AK9: variants seen among roughly 807,000 people sequenced by gnomAD.
The protein encoded by AK9 is adenylate kinase 9.
Under a neutral mutation model 239.6 loss-of-function variants are expected in AK9, and 191 were observed. The observed-to-expected ratio is 0.80, with a 90% confidence interval of 0.71 to 0.90. The LOEUF (loss-of-function observed/expected upper bound fraction) is 0.90, where lower values mean the gene tolerates loss of function less well. Ranked by LOEUF, AK9 falls within the 40% of genes least tolerant of loss-of-function variation. The pLI is 0.00. For missense variants in AK9, 1,995 were observed against 2,214.7 expected, an observed-to-expected ratio of 0.90 and a Z score of 1.99; for synonymous variants, 689 against 721.0, an observed-to-expected ratio of 0.96 and a Z score of 0.71.
intron 8 of AK9, among the ~76,000 whole-genome samples, chr6:109,649,113 T>C (rs192595710): frequency 8.4e-4 from 128 of 152,296 alleles, no homozygotes; most frequent in African/African-American, 2.7e-3. Flanking sequence ...GAGTTATCTA[T>C]GACAAACCCA....
chr6:109,656,634 A>G, intron 8 of AK9, 122 bp downstream of exon 8: 1 of 1,145,590 alleles, frequency 8.7e-7, no homozygotes, highest in South Asian at 1.8e-5. Context: ...AGCTTTCTAC[A>G]AAGCTCAAGG....
chr6:109,585,890 A>T, intron 18 of AK9, 26 bp downstream of exon 18: 1 of 1,523,710 alleles, frequency 6.6e-7, no homozygotes, highest in Non-Finnish European at 8.8e-7. Flanking sequence ...TTCACTTTCA[A>T]ATTTACATAA....
intron 12 of AK9, among the ~76,000 whole-genome samples, chr6:109,627,290 G>A (rs1405375998): frequency 6.6e-6 from 1 of 151,818 alleles, no homozygotes; most frequent in Non-Finnish European, 1.5e-5. Flanking sequence ...ATGCCTTCTG[G>A]AATATCTCCT....
intron 24 of AK9, among the ~76,000 whole-genome samples, chr6:109,559,071 C>G (rs1440766511): frequency 6.6e-6 from 1 of 151,534 alleles, no homozygotes; most frequent in Non-Finnish European, 1.5e-5. Flanking sequence ...TAAGCTGCCT[C>G]GAACTCCTGA....
At chr6:109,519,371 G>C (rs1187549320) in intron 29 of AK9, among the ~76,000 whole-genome samples, 4 of 152,116 alleles carry the variant, frequency 2.6e-5, no homozygotes, top group Non-Finnish European at 1.5e-5. Flanking sequence ...TTTCTGTTTT[G>C]AGTTATCTGA....
chr6:109,531,579 T>C (rs1781262159), intron 28 of AK9, among the ~76,000 whole-genome samples: 1 of 152,154 alleles, frequency 6.6e-6, no homozygotes, highest in Admixed American at 6.6e-5. Flanking sequence ...TAATCACATT[T>C]TAAGTGCTCA....
chr6:109,671,379 G>A (rs910482122), intron 5 of AK9, among the ~76,000 whole-genome samples: 2 of 152,026 alleles, frequency 1.3e-5, no homozygotes, highest in Non-Finnish European at 2.9e-5. Flanking sequence ...GAGCTTCAGT[G>A]GTCTTTGTCT....
intron 38 of AK9, among the ~76,000 whole-genome samples, chr6:109,496,442 C>T (rs560468414): frequency 1.4e-4 from 21 of 152,314 alleles, no homozygotes; most frequent in African/African-American, 4.6e-4. Context: ...TCTGTAGTCA[C>T]GTCCTCTCAC....
chr6:109,530,103 C>T (rs1318625484), intron 28 of AK9, among the ~76,000 whole-genome samples: 4 of 152,160 alleles, frequency 2.6e-5, no homozygotes, highest in Non-Finnish European at 5.9e-5. Context: ...CAATGGATCC[C>T]CTTTGATAGG....
At chr6:109,644,590 A>G (rs1223959303) in intron 9 of AK9, 24 bp downstream of exon 9, 1 of 1,573,432 alleles carries the variant, frequency 6.4e-7, no homozygotes, top group East Asian at 2.3e-5. Context: ...GCTGTGAAGT[A>G]TTCCTGCTTA....
rs559994114 is a variant in AK9 at position 109,671,996 on chromosome 6, C to T, written c.254G>A (p.Ser85Asn). The change falls in exon 5 of 41, where the codon AGC (serine) becomes AAC (asparagine). Residue 85 changes from serine to asparagine, a missense_variant. Ser to Asn is a conservative substitution (Grantham distance 46, BLOSUM62 1). Around this residue, in one of 5 missense-constraint regions of AK9, gnomAD observed 252 missense variants for 246.4 expected, o/e 1.02. Coordinates refer to ENST00000424296, the MANE Select transcript of AK9 (RefSeq NM_001145128.3). Reference protein sequence around the residue: ...SGVMLQSMLISGQSIPDELVI... With the variant: ...SGVMLQSMLINGQSIPDELVI... ...AAGTTCATCTGGAATGCTTTGACCG[C>T]TGATCAACATTGATTGCAACTAAGG... 6.2e-7 allele frequency: 1 copy of T among 1,613,966 alleles called. No homozygotes were observed. The highest frequency in any genetic ancestry group is 1.1e-5 in the South Asian group (1 of 91,074).
intron 12 of AK9, chr6:109,632,036 T>C (rs913114298): frequency 1.2e-5 from 5 of 405,552 alleles, no homozygotes; most frequent in African/African-American, 8.7e-5. Flanking sequence ...GTGAGGAGAC[T>C]GGTATTGAGA....
chr6:109,644,834 A>T (rs1248738162), intron 8 of AK9, 146 bp from the exon 9 acceptor site: 2 of 574,222 alleles, frequency 3.5e-6, no homozygotes, highest in East Asian at 6.6e-5. Flanking sequence ...TTCAATGCTC[A>T]AGAGATCTTT....
At chr6:109,653,657 T>A (rs1799286447) in intron 8 of AK9, among the ~76,000 whole-genome samples, 1 of 134,462 alleles carries the variant, frequency 7.4e-6, no homozygotes, top group African/African-American at 2.7e-5. Context: ...CTTGTAGATT[T>A]CCTTTCTTGT....
rs147947736 is a variant in AK9 at position 109,584,458 on chromosome 6, C to T, written c.2114+665G>A. ...AGAAATCCCAGTGGACAAATTAAAA[C>T]GTAAAGTATTTAAAGAGAATTTTTT... On this transcript the variant is annotated intron_variant, in intron 19 of 40. Transcript: ENST00000424296. 1.5e-4 allele frequency among the ~76,000 whole-genome samples: 23 copies of T among 152,168 alleles called. 1 individual carries two copies. The highest frequency in any genetic ancestry group is 3.4e-3 in the Middle Eastern group (1 of 294).
At chr6:109,594,065 A>C (rs1375411866) in intron 17 of AK9, among the ~76,000 whole-genome samples, 1 of 152,216 alleles carries the variant, frequency 6.6e-6, no homozygotes, top group African/African-American at 2.4e-5. Context: ...GGAAGAGAGG[A>C]AGCCAAAATT....
At chr6:109,656,956 C>A in intron 7 of AK9, 72 bp from the exon 8 acceptor site, 1 of 1,522,870 alleles carries the variant, frequency 6.6e-7, no homozygotes, top group Non-Finnish European at 9.0e-7. Context: ...ATATTCCCCA[C>A]TCCTTACACC....
intron 10 of AK9, 82 bp downstream of exon 10, chr6:109,641,436 T>C (rs567826679): frequency 7.7e-5 from 81 of 1,052,720 alleles, no homozygotes; most frequent in Admixed American, 2.1e-4. Context: ...GATCCTCCCA[T>C]GGGATTACAG....
At chr6:109,568,567 C>T (rs949044103) in intron 21 of AK9, among the ~76,000 whole-genome samples, 27 of 152,182 alleles carry the variant, frequency 1.8e-4, no homozygotes, top group African/African-American at 6.5e-4. Flanking sequence ...AGCTGATAAA[C>T]AACTTCAGCA....
Sources: gnomAD v4.1 joint callset for allele counts (sites outside exome capture counted in the v4.1 genomes callset) on GRCh38, gnomAD v4.1.1 for gene constraint, gnomAD v4.1.1 regional missense constraint, MANE v1.5 for transcripts, NCBI Gene and HGNC (gene_info 2026-07-23, HGNC 2026-07-21) for gene names.